The following RAD18 variants were observed in gnomAD, a reference collection of about 807,000 sequenced individuals.
The protein encoded by RAD18 is E3 ubiquitin-protein ligase RAD18.
Under a neutral mutation model 60.4 loss-of-function variants are expected in RAD18, and 47 were observed. The ratio of observed to expected loss-of-function variants is 0.78; its 90% CI spans 0.62 to 0.99. The LOEUF is 0.99. Ranked by LOEUF, RAD18 falls within the 50% of genes least tolerant of loss-of-function variation. The pLI is 0.00. For missense variants in RAD18, 640 were observed against 593.3 expected, an observed-to-expected ratio of 1.08 and a Z score of -0.82; for synonymous variants, 225 against 195.5, an observed-to-expected ratio of 1.15 and a Z score of -1.26.
rs1214128702 is a variant in RAD18 at position 8,879,882 on chromosome 3, T to C, written c.*1475A>G. The C allele has an allele frequency of 1.3e-5, 2 of 152,254 alleles. No individual in the cohort carries two copies. Among genetic ancestry groups the C allele is most frequent in the Non-Finnish European group, 2.9e-5 (2 of 68,044 alleles). The allele number at this position is 152,254 out of a possible 1,614,324, so 9.4% of individuals were successfully genotyped here. A position where few individuals can be genotyped will look rare whatever the true frequency, so the allele number is the denominator to read the frequency against. The stretch of plus-strand genomic sequence containing the variant: ...CCTTTTGCTGCAATTAAAGTAATAA[T>C]TACTTCCAGTTTAATTTATAGACTA... On this transcript the variant is annotated 3_prime_UTR_variant, in exon 13 of 13. Transcript: ENST00000264926.
intron 7 of RAD18, among the ~76,000 whole-genome samples, chr3:8,934,435 ATAGATT>A (rs1448638448): frequency 6.6e-6 from 1 of 152,214 alleles, no homozygotes; most frequent in Non-Finnish European, 1.5e-5. Context: ...AGAATTGGAC[ATAGATT>A]TAAACAGGTA....
chr3:8,921,138 G>C (rs918727600), intron 7 of RAD18, among the ~76,000 whole-genome samples: 6 of 152,270 alleles, frequency 3.9e-5, no homozygotes, highest in African/African-American at 1.4e-4. Flanking sequence ...CACAGAAAAA[G>C]AGAGAAAGAG....
chr3:8,918,887 T>G (rs1365293332), intron 7 of RAD18, among the ~76,000 whole-genome samples: 9 of 152,156 alleles, frequency 5.9e-5, no homozygotes, highest in Admixed American at 5.9e-4. Flanking sequence ...ATAGCAACAA[T>G]GTCAGTGGAA....
intron 7 of RAD18, 85 bp downstream of exon 7, chr3:8,935,786 T>C: frequency 8.2e-7 from 1 of 1,224,624 alleles, no homozygotes. Context: ...TTATTTACAA[T>C]ATTTTTCTAT....
At chr3:8,918,031 T>C (rs886701171) in intron 7 of RAD18, among the ~76,000 whole-genome samples, 2 of 152,054 alleles carry the variant, frequency 1.3e-5, no homozygotes, top group African/African-American at 2.4e-5. Flanking sequence ...AAGAGTGAAA[T>C]TAGGGGCCGG....
At chr3:8,923,533 C>G (rs491254) in intron 7 of RAD18, among the ~76,000 whole-genome samples, 104,923 of 151,752 alleles carry the variant, frequency 0.69, 36,827 homozygotes, top group Middle Eastern at 0.77. Flanking sequence ...AGCAAGGCAG[C>G]CCAACATTCA....
intron 7 of RAD18, among the ~76,000 whole-genome samples, chr3:8,913,981 T>C (rs946227734): frequency 2.0e-5 from 3 of 152,240 alleles, no homozygotes; most frequent in Non-Finnish European, 4.4e-5. Context: ...TCATTTTGCT[T>C]TCTCCTTTGA....
rs773541017 is a variant in RAD18 at position 8,941,797 on chromosome 3, G to C, written c.274C>G (p.Leu92Val). 5.0e-6 allele frequency: 8 copies of C among 1,609,144 alleles called. No individual in the cohort carries two copies. Among genetic ancestry groups the C allele is most frequent in the Non-Finnish European group, 6.8e-6 (8 of 1,177,088 alleles). ...VKSLNFARNH[L>V]LQFALESPAK... is the part of the protein sequence containing the mutation. ...GGTGACTCTAAAGCAAACTGCAGCAGATGATTCCTTGAAGCACAAAGAACA... is the reference window on the plus strand; with the variant it reads ...GGTGACTCTAAAGCAAACTGCAGCACATGATTCCTTGAAGCACAAAGAACA... The change falls in exon 5 of 13, where the codon CTG becomes GTG. Residue 92 changes from leucine (L) to valine (V), a missense_variant. Transcript: ENST00000264926.
rs748292991 is a variant in RAD18, at chr3:8,899,045, G to A, written c.1171C>T (p.Gln391Ter). 6.4e-7 allele frequency: 1 copy of A among 1,570,500 alleles called. No homozygotes were observed. Among genetic ancestry groups the A allele is most frequent in the African/African-American group, 1.4e-5 (1 of 72,846 alleles). ...GTTACTGAGGTCATATTATCTTCCTGTCCTAGGAAAAAATAAATTTAAGAG... is the reference window on the plus strand; with the variant it reads ...GTTACTGAGGTCATATTATCTTCCTATCCTAGGAAAAAATAAATTTAAGAG... ...TEKLSSVCMGQEDNMTSVTNH... is the reference protein window; with the variant it reads ...TEKLSSVCMG Residue 391 changes from glutamine (Q) to a stop codon, truncating the protein, a stop_gained and splice_region_variant, in exon 11 of 13, where the codon CAG becomes TAG. Transcript: ENST00000264926. LOFTEE classifies it high-confidence loss of function.
intron 2 of RAD18, among the ~76,000 whole-genome samples, chr3:8,949,382 A>G (rs1940892390): frequency 6.6e-6 from 1 of 152,218 alleles, no homozygotes; most frequent in South Asian, 2.1e-4. Flanking sequence ...GCATAATTTC[A>G]ATGGTATGGA....
chr3:8,926,262 C>T (rs1304279040), intron 7 of RAD18, among the ~76,000 whole-genome samples: 1 of 152,084 alleles, frequency 6.6e-6, no homozygotes, highest in African/African-American at 2.4e-5. Context: ...TTCTTATACA[C>T]CAATAACAGA....
chr3:8,929,894 C>T (rs955407660), intron 7 of RAD18, among the ~76,000 whole-genome samples: 1 of 152,126 alleles, frequency 6.6e-6, no homozygotes, highest in African/African-American at 2.4e-5. Flanking sequence ...CCACCTGCCT[C>T]GGCCTCCCAA....
chr3:8,888,901 A>G (rs1180363012), intron 12 of RAD18, among the ~76,000 whole-genome samples: 1 of 152,242 alleles, frequency 6.6e-6, no homozygotes, highest in Non-Finnish European at 1.5e-5. Context: ...GCTTGGGCTC[A>G]GGAACTCTGG....
At chr3:8,916,219 C>A (rs910979085) in intron 7 of RAD18, among the ~76,000 whole-genome samples, 1 of 152,170 alleles carries the variant, frequency 6.6e-6, no homozygotes, top group Non-Finnish European at 1.5e-5. Flanking sequence ...AGGACCCCTG[C>A]CCCTGGCAGT....
chr3:8,946,166 AT>A (rs535724191), intron 4 of RAD18, among the ~76,000 whole-genome samples: 1 of 152,134 alleles, frequency 6.6e-6, no homozygotes, highest in Non-Finnish European at 1.5e-5. Context: ...AAGATGTACC[AT>A]TTTTTATCTT....
At chr3:8,911,634 T>C (rs1189780951) in intron 9 of RAD18, among the ~76,000 whole-genome samples, 2 of 152,060 alleles carry the variant, frequency 1.3e-5, no homozygotes, top group East Asian at 3.8e-4. Flanking sequence ...AATACATCAC[T>C]ACAGAACCTG....
intron 10 of RAD18, among the ~76,000 whole-genome samples, chr3:8,901,228 G>C (rs1415207271): frequency 6.6e-6 from 1 of 152,114 alleles, no homozygotes; most frequent in Non-Finnish European, 1.5e-5. Flanking sequence ...TTCGCTGGTG[G>C]GAATGTAAGA....
chr3:8,924,156 T>G (rs1363349070), intron 7 of RAD18, among the ~76,000 whole-genome samples: 2 of 152,044 alleles, frequency 1.3e-5, no homozygotes, highest in Non-Finnish European at 2.9e-5. Context: ...TGTGCTGTAT[T>G]CAGGAAACTC....
rs139441227 is a variant in RAD18 at position 8,940,414 on chromosome 3, T to C, written c.605-761A>G. Among the ~76,000 whole-genome samples, 289 of 152,268 alleles carry C rather than the reference T, an allele frequency of 1.9e-3. 2 individuals are homozygous for C. The highest frequency in any genetic ancestry group is 6.3e-3 in the African/African-American group (263 of 41,558). On this transcript the variant is annotated intron_variant, in intron 5 of 12. Transcript: ENST00000264926. ...TACTACAATAAGAACTGTCAATTGGTAAAAAGACTAAGGATAGACATAGTA... is the reference window on the plus strand; with the variant it reads ...TACTACAATAAGAACTGTCAATTGGCAAAAAGACTAAGGATAGACATAGTA...
Sources: gnomAD v4.1 joint callset for allele counts (sites outside exome capture counted in the v4.1 genomes callset) on GRCh38, gnomAD v4.1.1 for gene constraint, MANE v1.5 for transcripts, NCBI Gene and HGNC (gene_info 2026-07-23, HGNC 2026-07-21) for gene names.